Variants in ABCC11 observed in about 807,000 individuals in gnomAD.
The protein encoded by ABCC11 is ATP-binding cassette sub-family C member 11.
ABCC11 carries 135 observed loss-of-function variants against 149.3 expected under a neutral mutation model. The observed-to-expected ratio is 0.90, with a 90% CI of 0.79 to 1.04. ABCC11 has a LOEUF of 1.04. ABCC11 is among the 50% of genes least tolerant of loss of function. The probability of loss-of-function intolerance (pLI) is 0.00; values close to 1 mark genes in which losing one functional copy is unlikely to be tolerated. For missense variants in ABCC11, 1,680 were observed against 1,722.1 expected, an observed-to-expected ratio of 0.98 and a Z score of 0.43; for synonymous variants, 665 against 671.4, an observed-to-expected ratio of 0.99 and a Z score of 0.15.
At chr16:48,195,244 C>G (rs1250606869) in intron 18 of ABCC11, among the ~76,000 whole-genome samples, 1 of 152,176 alleles carries the variant, frequency 6.6e-6, no homozygotes, top group Non-Finnish European at 1.5e-5. Context: ...ACTTTATACC[C>G]CTCCCCTCTA....
intron 17 of ABCC11, among the ~76,000 whole-genome samples, chr16:48,197,567 G>C (rs1318974640): frequency 6.6e-6 from 1 of 152,214 alleles, no homozygotes; most frequent in Non-Finnish European, 1.5e-5. Context: ...AAAGCCATGA[G>C]CTTCCAGACA....
At position 48,186,966 on chromosome 16, in the gene ABCC11, C is replaced by G. The variant is rs1966783535; in HGVS notation, c.3058G>C (p.Asp1020His). ...AGAAGGACTCACTGGCTGATGAAGT[C>G]TTCAGTTTTTCCATAGACATGGATG... ...SSIHVYGKTE[D>H]FISQFKRLTD... The change falls in exon 22 of 30, where the codon GAC becomes CAC. Residue 1020 changes from aspartate (D) to histidine (H), a missense_variant. By Grantham distance (81) the Asp-to-His change is moderately conservative. Transcript: ENST00000356608. 3.1e-6 allele frequency: 5 copies of G among 1,614,120 alleles called. No individual in the cohort carries two copies. The highest frequency in any genetic ancestry group is 3.4e-6 in the Non-Finnish European group (4 of 1,180,020).
chr16:48,198,553 CA>C (rs767455264), intron 15 of ABCC11, among the ~76,000 whole-genome samples: 44 of 151,714 alleles, frequency 2.9e-4, no homozygotes, highest in Non-Finnish European at 5.6e-4. Flanking sequence ...AATTATGAAC[CA>C]ACGATTCGAC....
intron 5 of ABCC11, chr16:48,223,785 A>G (rs1969902099): frequency 6.6e-6 from 1 of 152,460 alleles, no homozygotes; most frequent in African/African-American, 2.4e-5. Flanking sequence ...CATCCCAACC[A>G]TGTTACCTGG....
intron 4 of ABCC11, among the ~76,000 whole-genome samples, chr16:48,226,129 T>G (rs1291727459): frequency 6.7e-6 from 1 of 150,078 alleles, no homozygotes; most frequent in Non-Finnish European, 1.5e-5. Context: ...CAGGCTGGAG[T>G]GCAGTGGCGC....
At chr16:48,243,350 C>G (rs1355630187) in intron 1 of ABCC11, among the ~76,000 whole-genome samples, 1 of 144,826 alleles carries the variant, frequency 6.9e-6, no homozygotes, top group Admixed American at 7.1e-5. Context: ...TGCAGTGAGC[C>G]GAGATCTCGC....
intron 22 of ABCC11, among the ~76,000 whole-genome samples, chr16:48,185,882 TCTCATGGTCTTTGCATTTACTGTCCC>T (rs1321231338): frequency 6.6e-6 from 1 of 152,110 alleles, no homozygotes; most frequent in East Asian, 1.9e-4. Context: ...ACTTCCCCCA[TCTCATGGTCTTTGCATTTACTGTCCC>T]CTCTGCCTGG....
chr16:48,167,269 T>A lies in ABCC11; in HGVS notation c.*5A>T, dbSNP rs1762090397. 1 of 804,208 alleles carries A rather than the reference T, an allele frequency of 1.2e-6. No individual in the cohort carries two copies. The highest frequency in any genetic ancestry group is 2.3e-6 in the Non-Finnish European group (1 of 440,068). 49.8% of individuals were successfully genotyped at this position (804,208 alleles called of 1,614,324 possible). A position where few individuals can be genotyped will look rare whatever the true frequency, so the allele number is the denominator to read the frequency against. On this transcript the variant is annotated 3_prime_UTR_variant, in exon 30 of 30. Coordinates refer to ENST00000356608, the MANE Select transcript of ABCC11 (RefSeq NM_001370497.1). ...TGCCAGCCTCCATGAAGTCTCCACA[T>A]CTCCTTATCTCAGTGAAGAAGTGGC...
chr16:48,198,949 G>T (rs898634393), intron 15 of ABCC11, among the ~76,000 whole-genome samples: 11 of 151,742 alleles, frequency 7.2e-5, no homozygotes, highest in African/African-American at 2.7e-4. Flanking sequence ...AGGCAGAATT[G>T]CTTGAACCTG....
In ABCC11 at chr16:48,238,344, G is replaced by A. The variant is rs150381455; in HGVS notation, c.-18-6405C>T. 5.2e-4 allele frequency among the ~76,000 whole-genome samples: 79 copies of A among 152,250 alleles called. 1 individual carries two copies. The East Asian group carries it at 0.014, about 26-fold the overall frequency. Reference sequence around the variant, plus strand: ...CTACCTCATACTCAGATGTCTATGGGTCTGTTCCCCTGGCTGAGAGATGCT... The same window carrying A: ...CTACCTCATACTCAGATGTCTATGGATCTGTTCCCCTGGCTGAGAGATGCT... On this transcript the variant is annotated intron_variant, in intron 1 of 29. Transcript: ENST00000356608.
At position 48,196,330 on chromosome 16, in the gene ABCC11, GGGTAGAAGAA is replaced by G; in HGVS notation, c.2315-19_2315-10del. The G allele has an allele frequency of 6.2e-7, 1 of 1,613,314 alleles. No individual in the cohort carries two copies. The highest frequency in any genetic ancestry group is 1.1e-5 in the South Asian group (1 of 90,928). On this transcript the variant is annotated splice_polypyrimidine_tract_variant and intron_variant, in intron 17 of 29. Coordinates refer to ENST00000356608, the MANE Select transcript of ABCC11 (RefSeq NM_001370497.1). ...GAGCTGATGCTCCGGCACTGGGTCA[GGGTAGAAGAA>G]GAGAAAAGTGGTATGCCTGCCAATC...
At chr16:48,172,515 C>T (rs1369177671) in intron 26 of ABCC11, among the ~76,000 whole-genome samples, 3 of 151,436 alleles carry the variant, frequency 2.0e-5, no homozygotes, top group African/African-American at 7.3e-5. Context: ...ACAGCGTTGA[C>T]CTCTTGGGCT....
chr16:48,170,310 C>T, intron 27 of ABCC11, 92 bp from the exon 28 acceptor site: 1 of 931,592 alleles, frequency 1.1e-6, no homozygotes, highest in East Asian at 2.4e-5. Context: ...GTATTGGCAA[C>T]ACTGCCCTCC....
intron 19 of ABCC11, 143 bp downstream of exon 19, chr16:48,193,736 A>G: frequency 1.5e-6 from 1 of 647,556 alleles, no homozygotes. Flanking sequence ...CTGGCTCCCC[A>G]CGGTTCTCTC....
At chr16:48,244,906 C>T (rs886278516) in intron 1 of ABCC11, among the ~76,000 whole-genome samples, 21 of 152,212 alleles carry the variant, frequency 1.4e-4, no homozygotes, top group African/African-American at 5.1e-4. Flanking sequence ...CTCCGCAATT[C>T]CTCGCCCTCG....
At chr16:48,230,051 G>A (rs1330034130) in intron 3 of ABCC11, among the ~76,000 whole-genome samples, 2 of 152,098 alleles carry the variant, frequency 1.3e-5, no homozygotes, top group African/African-American at 2.4e-5. Flanking sequence ...ATGGTTCTCC[G>A]GTCCCTCAAC....
intron 9 of ABCC11, among the ~76,000 whole-genome samples, chr16:48,214,103 T>C (rs1969142948): frequency 6.6e-6 from 1 of 152,106 alleles, no homozygotes; most frequent in South Asian, 2.1e-4. Flanking sequence ...CGAAAGAACC[T>C]TCCAATCCAT....
chr16:48,167,067 G>C lies in ABCC11; in HGVS notation c.*207C>G. Reference sequence around the variant, plus strand: ...GATCACTGAATCCCATGTCTTAGATGGTTCTGGGGTTCTAAGGTCTTGAGA... The same window carrying C: ...GATCACTGAATCCCATGTCTTAGATCGTTCTGGGGTTCTAAGGTCTTGAGA... On this transcript the variant is annotated 3_prime_UTR_variant, in exon 30 of 30. Coordinates refer to ENST00000356608, the MANE Select transcript of ABCC11 (RefSeq NM_001370497.1). The C allele has an allele frequency of 3.5e-6, 2 of 573,236 alleles. No individual in the cohort carries two copies. Among genetic ancestry groups the C allele is most frequent in the Non-Finnish European group, 6.2e-6 (2 of 320,324 alleles). 35.5% of individuals were successfully genotyped at this position (573,236 alleles called of 1,614,324 possible).
At chr16:48,203,190 A>C in intron 14 of ABCC11, 38 bp downstream of exon 14, 1 of 1,528,296 alleles carries the variant, frequency 6.5e-7, no homozygotes, top group South Asian at 1.2e-5. Flanking sequence ...TAAGAGCACC[A>C]ACATTACACA....
Sources: gnomAD v4.1 joint callset for allele counts (sites outside exome capture counted in the v4.1 genomes callset) on GRCh38, gnomAD v4.1.1 for gene constraint, MANE v1.5 for transcripts, NCBI Gene and HGNC (gene_info 2026-07-23, HGNC 2026-07-21) for gene names.